The following FNBP1 variants were observed in gnomAD, a reference collection of about 807,000 sequenced individuals.
The protein encoded by FNBP1 is formin-binding protein 1.
In FNBP1, 26 loss-of-function variants were observed where a neutral mutation model predicts 90.6. The observed-to-expected ratio is 0.29, with a 90% CI of 0.21 to 0.40. FNBP1 has a LOEUF of 0.40. Ranked by LOEUF, FNBP1 falls within the 10% of genes least tolerant of loss-of-function variation. The pLI, the probability that FNBP1 is intolerant of heterozygous loss-of-function variation, is 1.00. For synonymous variants in FNBP1, 260 were observed against 265.2 expected (o/e 0.98, Z 0.19); for missense variants, 635 against 768.0 (o/e 0.83, Z 2.05).
chr9:129,965,696 A>ACGCGCG (rs1554821618), intron 4 of FNBP1, among the ~76,000 whole-genome samples: 7 of 94,964 alleles, frequency 7.4e-5, no homozygotes, highest in African/African-American at 1.4e-4. Flanking sequence ...ACACACACAC[A>ACGCGCG]CGCGCGCGCG....
At chr9:129,913,059 T>C (rs2039613834) in intron 11 of FNBP1, among the ~76,000 whole-genome samples, 2 of 151,702 alleles carry the variant, frequency 1.3e-5, no homozygotes, top group Admixed American at 1.3e-4. Context: ...TCTACAAAAA[T>C]TAGCTAGGCA....
chr9:130,024,296 A>T (rs11788942), intron 1 of FNBP1, among the ~76,000 whole-genome samples: 10,695 of 152,078 alleles, frequency 0.07, 498 homozygotes, highest in East Asian at 0.15. Context: ...TTACAAAATT[A>T]AAAAATTAGC....
At chr9:129,893,440 TAA>T (rs34814750) in intron 16 of FNBP1, among the ~76,000 whole-genome samples, 6 of 128,692 alleles carry the variant, frequency 4.7e-5, no homozygotes, top group Admixed American at 7.9e-5. Flanking sequence ...CTGTCTTTAC[TAA>T]AAAAAAAAAA....
chr9:129,923,972 C>A lies in FNBP1; in HGVS notation c.1042G>T (p.Ala348Ser). 2.0e-6 allele frequency: 3 copies of A among 1,466,886 alleles called. No homozygotes were observed. The highest frequency in any genetic ancestry group is 2.9e-5 in the Admixed American group (1 of 34,422). 90.9% of individuals were successfully genotyped at this position (1,466,886 alleles called of 1,614,324 possible). A position where few individuals can be genotyped will look rare whatever the true frequency, so the allele number is the denominator to read the frequency against. The change falls in exon 10 of 17, where the codon GCC becomes TCC. Residue 348 changes from alanine (A) to serine (S), a missense_variant. Coordinates refer to ENST00000446176, the MANE Select transcript of FNBP1 (RefSeq NM_015033.3). ...CCGTTGGGAACAGCAGAGGGTGAGG[C>A]AGAGGCAGGAGGGGGAGGGGGAGGC... ...HQPPPPPPAS[A>S]SPSAVPNGPQ...
At position 130,043,012 on chromosome 9, in the gene FNBP1, G is replaced by A. The variant is rs2059981617; in HGVS notation, c.-37C>T. On this transcript the variant is annotated 5_prime_UTR_variant, in exon 1 of 17. Coordinates refer to ENST00000446176, the MANE Select transcript of FNBP1 (RefSeq NM_015033.3). The stretch of plus-strand genomic sequence containing the variant: ...CGCGAAGGGGCGCTCCGCGCGGCGG[G>A]CGCGGCTCTCTGGTCCCCCTCCCCG... 2 of 1,224,086 alleles carry A rather than the reference G, an allele frequency of 1.6e-6. No individual in the cohort carries two copies. Among genetic ancestry groups the A allele is most frequent in the Non-Finnish European group, 2.0e-6 (2 of 983,210 alleles). The allele number at this position is 1,224,086 out of a possible 1,614,324, so 75.8% of individuals were successfully genotyped here.
intron 1 of FNBP1, among the ~76,000 whole-genome samples, chr9:130,006,510 A>G (rs1324080017): frequency 6.7e-6 from 1 of 149,550 alleles, no homozygotes; most frequent in African/African-American, 2.5e-5. Flanking sequence ...AAACAAAACA[A>G]AACAAAAAAA....
intron 1 of FNBP1, among the ~76,000 whole-genome samples, chr9:130,023,233 G>T (rs1177296951): frequency 3.3e-5 from 5 of 152,124 alleles, no homozygotes; most frequent in African/African-American, 4.8e-5. Context: ...AATGACTGGG[G>T]CAGTCACACA....
chr9:130,048,789 T>C, the FNBP1 span, among the ~76,000 whole-genome samples: 2 of 904 alleles, frequency 2.2e-3, no homozygotes, highest in Admixed American at 0.023. Flanking sequence ...AGTTTCCTCT[T>C]TTTTTTTTGA....
At chr9:129,974,095 TA>T (rs1361448295) in intron 4 of FNBP1, among the ~76,000 whole-genome samples, 1 of 152,196 alleles carries the variant, frequency 6.6e-6, no homozygotes, top group Non-Finnish European at 1.5e-5. Flanking sequence ...TTGCTGGGAT[TA>T]CAGGCGTGAG....
At position 129,887,794 on chromosome 9, in the gene FNBP1, A is replaced by G. The variant is rs2034838542; in HGVS notation, c.*2745T>C. On this transcript the variant is annotated 3_prime_UTR_variant, in exon 17 of 17. Transcript: ENST00000446176. Reference sequence around the variant, plus strand: ...TTCTTTTAAAATTAGTCATCTTACAACACAACAGTATTCTAGCACGGTGGC... The same window carrying G: ...TTCTTTTAAAATTAGTCATCTTACAGCACAACAGTATTCTAGCACGGTGGC... 4.4e-6 allele frequency: 1 copy of G among 229,662 alleles called. No individual in the cohort carries two copies. The highest frequency in any genetic ancestry group is 8.6e-6 in the Non-Finnish European group (1 of 115,832). The allele number at this position is 229,662 out of a possible 1,614,324, so 14.2% of individuals were successfully genotyped here.
At chr9:130,014,247 C>CTT (rs1175352724) in intron 1 of FNBP1, among the ~76,000 whole-genome samples, 4 of 138,948 alleles carry the variant, frequency 2.9e-5, no homozygotes, top group Admixed American at 7.3e-5. Flanking sequence ...TTCTTTCTTT[C>CTT]TTTTTTTTTT....
In FNBP1 at chr9:129,957,334, G is replaced by T; in HGVS notation, c.513+26C>A. On this transcript the variant is annotated intron_variant, in intron 6 of 16. Transcript: ENST00000446176. The surrounding 1 kb of genome is among the most constrained non-coding windows in gnomAD (Gnocchi z 4.3). ...ATTACAGGCGTGAGCCACCGTGCCCGGCCCACACTTGAGCTTTCACCTCAC... is the reference window on the plus strand; with the variant it reads ...ATTACAGGCGTGAGCCACCGTGCCCTGCCCACACTTGAGCTTTCACCTCAC... The T allele has an allele frequency of 6.5e-7, 1 of 1,543,634 alleles. No homozygotes were observed. Among genetic ancestry groups the T allele is most frequent in the Non-Finnish European group, 8.9e-7 (1 of 1,118,636 alleles).
At chr9:129,928,112 T>G (rs74906270) in intron 7 of FNBP1, among the ~76,000 whole-genome samples, 1 of 152,218 alleles carries the variant, frequency 6.6e-6, no homozygotes, top group Non-Finnish European at 1.5e-5. Flanking sequence ...GAAGCAAATA[T>G]ATTATTTATT....
chr9:129,900,642 C>T lies in FNBP1; in HGVS notation c.1429-95G>A, dbSNP rs552545436. The T allele has an allele frequency of 1.0e-4, 127 of 1,263,024 alleles. No individual in the cohort carries two copies. The African/African-American group carries it at 1.5e-3, about 15-fold the overall frequency. 78.2% of individuals were successfully genotyped at this position (1,263,024 alleles called of 1,614,324 possible). ...CCCAAAGGCCATCTGAGGGCCAGCC[C>T]GGAGCATCCTAAGGTCCCAAACTCA... On this transcript the variant is annotated intron_variant, in intron 13 of 16. Transcript: ENST00000446176. This position sits in a 1 kb window ranked among gnomAD's most constrained non-coding sequence, Gnocchi z 4.1.
chr9:130,032,470 C>T (rs985818678), intron 1 of FNBP1, among the ~76,000 whole-genome samples: 2 of 152,270 alleles, frequency 1.3e-5, no homozygotes, highest in East Asian at 3.9e-4. Context: ...CGTGCCTGGC[C>T]AATAAGTAAA....
At position 130,007,935 on chromosome 9, in the gene FNBP1, T is replaced by C. The variant is rs549932265; in HGVS notation, c.25-12977A>G. ...GGAACTTGAACCTGGGAGGTGGAGGTTGCAGTGAGCCAAGATCGCACCACT... is the reference window on the plus strand; with the variant it reads ...GGAACTTGAACCTGGGAGGTGGAGGCTGCAGTGAGCCAAGATCGCACCACT... On this transcript the variant is annotated intron_variant, in intron 1 of 16. Coordinates refer to ENST00000446176, the MANE Select transcript of FNBP1 (RefSeq NM_015033.3). Among the ~76,000 whole-genome samples, 526 of 149,088 alleles carry C rather than the reference T, an allele frequency of 3.5e-3. 6 individuals carry two copies. The South Asian group carries it at 0.045, about 13-fold the overall frequency.
chr9:129,896,175 C>T (rs904748416), intron 15 of FNBP1, among the ~76,000 whole-genome samples, 179 bp from the exon 16 acceptor site: 2 of 152,182 alleles, frequency 1.3e-5, no homozygotes, highest in African/African-American at 4.8e-5. Context: ...TCTCCTTCTG[C>T]ACAGAAATGT....
intron 1 of FNBP1, among the ~76,000 whole-genome samples, chr9:130,026,223 G>A (rs967358977): frequency 6.6e-5 from 10 of 152,100 alleles, no homozygotes; most frequent in Admixed American, 2.0e-4. Context: ...GGCCAGGCAC[G>A]GTGGCTCATA....
chr9:130,039,132 G>T (rs1215431832), intron 1 of FNBP1, among the ~76,000 whole-genome samples: 1 of 152,132 alleles, frequency 6.6e-6, no homozygotes, highest in Non-Finnish European at 1.5e-5. Context: ...ATGTATTTTG[G>T]TTAATTTTAC....
Sources: allele counts gnomAD v4.1 joint callset (sites outside exome capture counted in the v4.1 genomes callset), GRCh38; gene constraint gnomAD v4.1.1; non-coding constraint Gnocchi (gnomAD v3.1); transcripts MANE v1.5; gene names NCBI Gene and HGNC (gene_info 2026-07-23, HGNC 2026-07-21).